The following UNC5A variants were observed in gnomAD, a reference collection of about 807,000 sequenced individuals.
UNC5A encodes netrin receptor UNC5A.
UNC5A carries 20 observed loss-of-function variants against 87.4 expected under a neutral mutation model. That is an observed-to-expected ratio of 0.23 (90% CI 0.16 to 0.33). The LOEUF (loss-of-function observed/expected upper bound fraction) is 0.33. Among genes scored for constraint, UNC5A ranks in the 10% least tolerant of loss-of-function variants. The pLI, the probability that UNC5A is intolerant of heterozygous loss-of-function variation, is 1.00. For missense variants in UNC5A, 844 were observed against 1,133.4 expected (o/e 0.74, Z 3.67); for synonymous variants, 438 against 482.3 (o/e 0.91, Z 1.20).
At chr5:176,860,042 G>A (rs959443683) in intron 1 of UNC5A, among the ~76,000 whole-genome samples, 2 of 152,336 alleles carry the variant, frequency 1.3e-5, no homozygotes, top group South Asian at 2.1e-4. Context: ...AGTGCTTGGC[G>A]TGCTGATCGA....
In UNC5A at chr5:176,869,212, C is replaced by A. The variant is rs930620668; in HGVS notation, c.721+248C>A. Among the ~76,000 whole-genome samples the A allele has an allele frequency of 6.6e-6, 1 of 152,120 alleles. No homozygotes were observed. Among genetic ancestry groups the A allele is most frequent in the Non-Finnish European group, 1.5e-5 (1 of 67,984 alleles). On this transcript the variant is annotated intron_variant, in intron 5 of 14. Coordinates refer to ENST00000329542, the MANE Select transcript of UNC5A (RefSeq NM_133369.3). The surrounding 1 kb of genome is among the most constrained non-coding windows in gnomAD (Gnocchi z 9.1). ...GCATTGTGCAGAAGGAGATGAGGGA[C>A]AGGATGGGAATCTAGGAAAGGTGAC...
chr5:176,847,413 AGGCGGG>A (rs1354339456), intron 1 of UNC5A, among the ~76,000 whole-genome samples: 8 of 152,210 alleles, frequency 5.3e-5, no homozygotes, highest in Non-Finnish European at 7.4e-5. Context: ...CAGGCTGCCG[AGGCGGG>A]GGGGCCCTCA....
intron 1 of UNC5A, among the ~76,000 whole-genome samples, chr5:176,851,948 T>C (rs1757554302): frequency 6.6e-6 from 1 of 152,224 alleles, no homozygotes; most frequent in Non-Finnish European, 1.5e-5. Flanking sequence ...GGCTCTGCCA[T>C]GGTCGCTGTG....
rs1182449687 is a variant in UNC5A, at chr5:176,879,407, A to G, written c.2282A>G (p.Gln761Arg). 3 of 1,612,870 alleles carry G rather than the reference A, an allele frequency of 1.9e-6. No individual in the cohort carries two copies. In the South Asian group the frequency reaches 3.3e-5, roughly 18 times the overall value. Residue 761 changes from glutamine (Q) to arginine (R), a missense_variant, in exon 14 of 15, where the codon CAG (glutamine) becomes CGG (arginine). Physicochemically the swap from Gln to Arg is conservative, Grantham distance 43. Transcript: ENST00000329542. ...TTCAAGATCCCCTTCCTCATTCGGC[A>G]GAAGATAATTTCCAGCCTGGACCCA... ...SAFKIPFLIRQKIISSLDPPC... is the reference protein window; with the variant it reads ...SAFKIPFLIRRKIISSLDPPC...
chr5:176,829,892 T>TTTTTTTTTTTTTTTTTTGTTG, intron 1 of UNC5A, among the ~76,000 whole-genome samples: 1 of 146,044 alleles, frequency 6.8e-6, no homozygotes, highest in Non-Finnish European at 1.5e-5. Flanking sequence ...TTTTTTTTTT[T>TTTTTTTTTTTTTTTTTTGTTG]GAGATGGAAT....
At chr5:176,830,406 T>G in intron 1 of UNC5A, among the ~76,000 whole-genome samples, 1 of 147,428 alleles carries the variant, frequency 6.8e-6, no homozygotes, top group Admixed American at 6.7e-5. Flanking sequence ...GGTGTGTGTG[T>G]GCCAGTGCGT....
At chr5:176,863,739 CT>C in intron 2 of UNC5A, among the ~76,000 whole-genome samples, 2 of 112,392 alleles carry the variant, frequency 1.8e-5, no homozygotes, top group African/African-American at 3.5e-5. Flanking sequence ...CCTTTTCCCC[CT>C]CCCTCTCCTC....
At chr5:176,847,412 G>A (rs1310009515) in intron 1 of UNC5A, among the ~76,000 whole-genome samples, 2 of 152,202 alleles carry the variant, frequency 1.3e-5, no homozygotes, top group African/African-American at 2.4e-5. Context: ...ACAGGCTGCC[G>A]AGGCGGGGGG....
rs989625328 is a variant in UNC5A, at chr5:176,824,305, G to A, written c.70+13485G>A. Among the ~76,000 whole-genome samples the A allele has an allele frequency of 3.9e-5, 6 of 152,176 alleles. No homozygotes were observed. The highest frequency in any genetic ancestry group is 7.4e-5 in the Non-Finnish European group (5 of 68,026). ...GGGAGGAGGCTGTCCCAGTGGCCCC[G>A]AGGCCCTGAGGCTCTGGTCCCTGCA... On this transcript the variant is annotated intron_variant, in intron 1 of 14. Coordinates refer to ENST00000329542, the MANE Select transcript of UNC5A (RefSeq NM_133369.3). The surrounding 1 kb of genome is among the most constrained non-coding windows in gnomAD (Gnocchi z 4.2).
At position 176,810,956 on chromosome 5, in the gene UNC5A, CG is replaced by C. The variant is rs1243285506; in HGVS notation, c.70+137del. ...CGAGGCCAAACTTTGCGAGGCGGGA[CG>C]CGGGGGGCTCTTCTTGCTGCTGCGC... is the stretch of plus-strand genomic sequence containing the variant. On this transcript the variant is annotated intron_variant, in intron 1 of 14. Coordinates refer to ENST00000329542, the MANE Select transcript of UNC5A (RefSeq NM_133369.3). This position sits in a 1 kb window ranked among gnomAD's most constrained non-coding sequence, Gnocchi z 7.3. The C allele has an allele frequency of 1.4e-6, 1 of 696,174 alleles. No homozygotes were observed. The highest frequency in any genetic ancestry group is 1.9e-5 in the African/African-American group (1 of 51,874). 43.1% of individuals were successfully genotyped at this position (696,174 alleles called of 1,614,324 possible).
Position 176,877,691 on chromosome 5 carries a change from G to C in UNC5A, c.1623G>C (p.Glu541Asp), listed in dbSNP as rs756136862. ...TGCGCCTCAAAAAGCAGTCGTGCGAGGGCAGCTGGGAGGTGAGCAGGGAAC... is the reference window on the plus strand; with the variant it reads ...TGCGCCTCAAAAAGCAGTCGTGCGACGGCAGCTGGGAGGTGAGCAGGGAAC... ...WSLRLKKQSC[E>D]GSWEDVLHLG... Residue 541 changes from glutamate (E) to aspartate (D), a missense_variant, in exon 10 of 15, where the codon GAG (glutamate) becomes GAC (aspartate). Physicochemically the swap from Glu to Asp is conservative, Grantham distance 45. Transcript: ENST00000329542. The C allele has an allele frequency of 6.2e-7, 1 of 1,603,942 alleles. No individual in the cohort carries two copies. Among genetic ancestry groups the C allele is most frequent in the South Asian group, 1.1e-5 (1 of 90,370 alleles).
At position 176,875,796 on chromosome 5, in the gene UNC5A, C is replaced by T. The variant is rs1216594158; in HGVS notation, c.1378+1230C>T. On this transcript the variant is annotated intron_variant, in intron 8 of 14. Coordinates refer to ENST00000329542, the MANE Select transcript of UNC5A (RefSeq NM_133369.3). This position sits in a 1 kb window ranked among gnomAD's most constrained non-coding sequence, Gnocchi z 5.2. ...GACTCAACATCCCCGACACACGGTG[C>T]TGCCCTCTGCATGCACCGACCCCCT... Among the ~76,000 whole-genome samples the T allele has an allele frequency of 2.0e-5, 3 of 152,178 alleles. No homozygotes were observed. The highest frequency in any genetic ancestry group is 2.9e-5 in the Non-Finnish European group (2 of 68,032).
At chr5:176,827,959 G>A (rs1355334626) in intron 1 of UNC5A, among the ~76,000 whole-genome samples, 1 of 152,132 alleles carries the variant, frequency 6.6e-6, no homozygotes, top group Admixed American at 6.5e-5. Flanking sequence ...AGACCAAGCA[G>A]CTGGGAGCCC....
At chr5:176,854,892 T>C (rs1203370963) in intron 1 of UNC5A, among the ~76,000 whole-genome samples, 3 of 152,184 alleles carry the variant, frequency 2.0e-5, no homozygotes, top group Non-Finnish European at 4.4e-5. Flanking sequence ...TAAGGGACTG[T>C]GGGAGCTCAG....
Position 176,873,973 on chromosome 5 carries a change from T to G in UNC5A, c.892T>G (p.Ser298Ala). ...GGCCATGCTGTCTCCCGCAGCTGCT[T>G]CTGGCCCTGAGGACGTGGCCCTCTA... ...CTSDLCVHTA[S>A]GPEDVALYVG... is the part of the protein sequence containing the mutation. The change falls in exon 7 of 15, where the codon TCT (serine) becomes GCT (alanine). Residue 298 changes from serine (S) to alanine (A), a missense_variant. Coordinates refer to ENST00000329542, the MANE Select transcript of UNC5A (RefSeq NM_133369.3). 6.2e-7 allele frequency: 1 copy of G among 1,613,084 alleles called. No individual in the cohort carries two copies. The highest frequency in any genetic ancestry group is 8.5e-7 in the Non-Finnish European group (1 of 1,179,606).
chr5:176,811,184 G>C lies in UNC5A; in HGVS notation c.70+364G>C, dbSNP rs1756443344. ...GGATTCGAAGATTAGAGGGTTTTGA[G>C]CCTATCCCAGTGCCCAGGAAATGGG... On this transcript the variant is annotated intron_variant, in intron 1 of 14. Transcript: ENST00000329542. Among the ~76,000 whole-genome samples the C allele has an allele frequency of 7.2e-5, 11 of 152,172 alleles. No individual in the cohort carries two copies. In the South Asian group the frequency reaches 2.3e-3, roughly 32 times the overall value.
At chr5:176,831,400 A>G (rs893154) in intron 1 of UNC5A, among the ~76,000 whole-genome samples, 126,673 of 152,066 alleles carry the variant, frequency 0.83, 55,331 homozygotes, top group Non-Finnish European at 0.96. Context: ...CCTTTTGTTC[A>G]TCACATTTTA....
chr5:176,840,576 A>G (rs1477423707), intron 1 of UNC5A, among the ~76,000 whole-genome samples: 2 of 152,160 alleles, frequency 1.3e-5, no homozygotes, highest in African/African-American at 4.8e-5. Flanking sequence ...ATTGGTCCGG[A>G]GCAGAGCTCA....
intron 1 of UNC5A, among the ~76,000 whole-genome samples, chr5:176,847,901 G>C (rs77729569): frequency 0.042 from 5,709 of 137,452 alleles, 354 homozygotes; most frequent in African/African-American, 0.14. Context: ...CCACAGCCCA[G>C]ATGACATGGA....
Sources: gnomAD v4.1 joint callset for allele counts (sites outside exome capture counted in the v4.1 genomes callset) on GRCh38, gnomAD v4.1.1 for gene constraint, Gnocchi (gnomAD v3.1) non-coding constraint, MANE v1.5 for transcripts, NCBI Gene and HGNC (gene_info 2026-07-23, HGNC 2026-07-21) for gene names.